The following MAGI1 variants were observed in gnomAD, a reference collection of about 807,000 sequenced individuals.
MAGI1 encodes the protein membrane associated guanylate kinase, WW and PDZ domain containing 1, also known as membrane-associated guanylate kinase, WW and PDZ domain-containing protein 1.
Under a neutral mutation model 139.9 loss-of-function variants are expected in MAGI1, and 58 were observed. That is an observed-to-expected ratio of 0.41 (90% CI 0.34 to 0.52). The LOEUF (loss-of-function observed/expected upper bound fraction) is 0.52. MAGI1 is among the 20% of genes least tolerant of loss of function. MAGI1 has a pLI of 0.12. For missense variants in MAGI1, 1,874 were observed against 1,901.6 expected, an observed-to-expected ratio of 0.99 and a Z score of 0.27; for synonymous variants, 812 against 737.9, an observed-to-expected ratio of 1.10 and a Z score of -1.63.
rs192830991 is a variant in MAGI1, at chr3:65,355,263, T to C, written c.*1115A>G. Reference sequence around the variant, plus strand: ...AATCACTGGGACCACTTCCTTCCTTTCCCTTCTACCAACCTAGAGACTTGG... The same window carrying C: ...AATCACTGGGACCACTTCCTTCCTTCCCCTTCTACCAACCTAGAGACTTGG... On this transcript the variant is annotated 3_prime_UTR_variant, in exon 23 of 23. Transcript: ENST00000402939. 4 of 152,372 alleles carry C rather than the reference T, an allele frequency of 2.6e-5. No homozygotes were observed. Among genetic ancestry groups the C allele is most frequent in the Admixed American group, 2.6e-4 (4 of 15,300 alleles). 9.4% of individuals were successfully genotyped at this position (152,372 alleles called of 1,614,324 possible). A position where few individuals can be genotyped will look rare whatever the true frequency, so the allele number is the denominator to read the frequency against.
intron 12 of MAGI1, among the ~76,000 whole-genome samples, chr3:65,411,949 C>T (rs1332466771): frequency 6.6e-6 from 1 of 152,122 alleles, no homozygotes; most frequent in African/African-American, 2.4e-5. Flanking sequence ...CACATGAGTC[C>T]AGAAACTGGT....
intron 22 of MAGI1, chr3:65,360,093 A>T (rs1940659926): frequency 1.5e-5 from 15 of 985,358 alleles, no homozygotes; most frequent in Non-Finnish European, 1.8e-5. Flanking sequence ...GCACCTGTAC[A>T]AATGTCGAAC....
intron 1 of MAGI1, among the ~76,000 whole-genome samples, chr3:65,795,696 T>C (rs897343284): frequency 2.2e-5 from 3 of 138,930 alleles, no homozygotes; most frequent in South Asian, 2.4e-4. Context: ...GATGATAAGA[T>C]ACACACACAC....
At chr3:65,712,505 T>C (rs1156413558) in intron 1 of MAGI1, among the ~76,000 whole-genome samples, 1 of 151,380 alleles carries the variant, frequency 6.6e-6, no homozygotes, top group Non-Finnish European at 1.5e-5. Context: ...TGTTTTGTTT[T>C]TGTTTTTGTT....
rs529596099 is a variant in MAGI1 at position 65,542,568 on chromosome 3, G to T, written c.431-48937C>A. On this transcript the variant is annotated intron_variant, in intron 2 of 22. Transcript: ENST00000402939. ...GTACCAAAAGATACATAAACCAATG[G>T]AACAGAACAGAGGCCTCAGAAATAA... 5.9e-5 allele frequency among the ~76,000 whole-genome samples: 9 copies of T among 152,166 alleles called. No homozygotes were observed. In the South Asian group the frequency reaches 1.5e-3, roughly 25 times the overall value.
At chr3:65,852,318 TC>T in intron 1 of MAGI1, among the ~76,000 whole-genome samples, 1 of 151,816 alleles carries the variant, frequency 6.6e-6, no homozygotes, top group Middle Eastern at 3.4e-3. Flanking sequence ...GTTTTGAGCC[TC>T]CCCAGAAAGG....
At position 65,639,181 on chromosome 3, in the gene MAGI1, G is replaced by C. The variant is rs149680698; in HGVS notation, c.314-17093C>G. On this transcript the variant is annotated intron_variant, in intron 1 of 22. Transcript: ENST00000402939. ...GTATATTGGTTGTCTTCTTAATGTT[G>C]ACTTGTAAAGGCCCCTTATATATCC... is the stretch of plus-strand genomic sequence containing the variant. Among the ~76,000 whole-genome samples the C allele has an allele frequency of 3.6e-3, 552 of 152,184 alleles. 5 individuals are homozygous for C. The highest frequency in any genetic ancestry group is 0.012 in the African/African-American group (511 of 41,530).
chr3:65,866,553 G>C (rs1272535624), intron 1 of MAGI1, among the ~76,000 whole-genome samples: 1 of 151,976 alleles, frequency 6.6e-6, no homozygotes, highest in African/African-American at 2.4e-5. Flanking sequence ...AGCACAGAAA[G>C]ACCAGGCAAT....
Position 65,634,793 on chromosome 3 carries a change from G to A in MAGI1, c.314-12705C>T, listed in dbSNP as rs75177057. Reference sequence around the variant, plus strand: ...AGGGAATGTTGACTATGAACTCAAAGTTCGATGATGTTACTGAACGAATGC... The same window carrying A: ...AGGGAATGTTGACTATGAACTCAAAATTCGATGATGTTACTGAACGAATGC... On this transcript the variant is annotated intron_variant, in intron 1 of 22. Transcript: ENST00000402939. Among the ~76,000 whole-genome samples the A allele has an allele frequency of 9.9e-3, 1,507 of 152,254 alleles. 27 individuals are homozygous for A. The highest frequency in any genetic ancestry group is 0.034 in the African/African-American group (1,399 of 41,552).
At chr3:65,644,416 C>CAAAA (rs750068803) in intron 1 of MAGI1, among the ~76,000 whole-genome samples, 39 of 102,856 alleles carry the variant, frequency 3.8e-4, no homozygotes, top group Non-Finnish European at 4.7e-4. Context: ...AACCTCAGCC[C>CAAAA]AAAAAAAAAA....
chr3:65,638,662 T>C (rs2084794663), intron 1 of MAGI1, among the ~76,000 whole-genome samples: 1 of 131,366 alleles, frequency 7.6e-6, no homozygotes, highest in Non-Finnish European at 1.6e-5. Context: ...CAGGCTGGAG[T>C]GCAGTGGTGC....
chr3:65,751,965 C>T (rs58698366), intron 1 of MAGI1, among the ~76,000 whole-genome samples: 28,102 of 151,966 alleles, frequency 0.18, 2,870 homozygotes, highest in South Asian at 0.4. Context: ...TTTTTGGAAA[C>T]GGGGTCTTGC....
chr3:65,932,570 G>A (rs2106744977), intron 1 of MAGI1, among the ~76,000 whole-genome samples: 1 of 152,196 alleles, frequency 6.6e-6, no homozygotes, highest in East Asian at 1.9e-4. Flanking sequence ...CCCCAGCAAT[G>A]GCTGATTGCC....
intron 1 of MAGI1, among the ~76,000 whole-genome samples, chr3:66,014,107 A>G (rs563817572): frequency 1.1e-4 from 17 of 152,242 alleles, no homozygotes; most frequent in Admixed American, 3.9e-4. Flanking sequence ...TCTTGCCCCA[A>G]TTCCAATCCT....
chr3:66,027,265 C>CAAATAAATAAAT (rs201338759), intron 1 of MAGI1, among the ~76,000 whole-genome samples: 6 of 69,830 alleles, frequency 8.6e-5, no homozygotes, highest in East Asian at 1.3e-3. Flanking sequence ...GACTCCGTCT[C>CAAATAAATAAAT]AAATAAATAA....
At chr3:65,947,812 C>T (rs1273164977) in intron 1 of MAGI1, among the ~76,000 whole-genome samples, 1 of 151,914 alleles carries the variant, frequency 6.6e-6, no homozygotes, top group Non-Finnish European at 1.5e-5. Flanking sequence ...TTGATGAGAT[C>T]TCACTATGTT....
At chr3:65,728,087 T>C (rs1274606979) in intron 1 of MAGI1, among the ~76,000 whole-genome samples, 1 of 152,128 alleles carries the variant, frequency 6.6e-6, no homozygotes, top group East Asian at 1.9e-4. Flanking sequence ...ATTGTCAGAA[T>C]AGCATTTTCC....
intron 1 of MAGI1, among the ~76,000 whole-genome samples, chr3:65,756,548 G>T (rs531298574): frequency 6.6e-6 from 1 of 152,102 alleles, no homozygotes; most frequent in South Asian, 2.1e-4. Context: ...TCATCCCAGC[G>T]TCTGGCTCCT....
chr3:65,442,943 C>A, intron 7 of MAGI1, 94 bp from the exon 8 acceptor site: 4 of 841,144 alleles, frequency 4.8e-6, no homozygotes, highest in Non-Finnish European at 5.9e-6. Context: ...GAGAAAGACT[C>A]ATAAAAATGC....
Sources: allele counts gnomAD v4.1 joint callset (sites outside exome capture counted in the v4.1 genomes callset), GRCh38; gene constraint gnomAD v4.1.1; transcripts MANE v1.5; gene names NCBI Gene and HGNC (gene_info 2026-07-23, HGNC 2026-07-21).